Variants in RANBP2 observed in about 807,000 individuals in gnomAD.
The protein encoded by RANBP2 is RAN binding protein 2.
In RANBP2, 57 loss-of-function variants were observed where a neutral mutation model predicts 303.6. That is an observed-to-expected ratio of 0.19 (90% CI 0.15 to 0.23). The LOEUF (loss-of-function observed/expected upper bound fraction) is 0.23. RANBP2 is among the 10% of genes least tolerant of loss of function. RANBP2 has a pLI of 1.00. For missense variants in RANBP2, 3,138 were observed against 3,780.8 expected (o/e 0.83, Z 4.46); for synonymous variants, 1,167 against 1,301.5 (o/e 0.90, Z 2.23).
Position 108,731,403 on chromosome 2 carries a change from G to A in RANBP2, c.334G>A (p.Gly112Arg). The A allele has an allele frequency of 6.2e-7, 1 of 1,611,504 alleles. No individual in the cohort carries two copies. The highest frequency in any genetic ancestry group is 8.5e-7 in the Non-Finnish European group (1 of 1,179,580). ...GCTTTGTAAAAATGATGTTACTGATGGAAGAGCAAAATACTGGCTTGAAAG... is the reference window on the plus strand; with the variant it reads ...GCTTTGTAAAAATGATGTTACTGATAGAAGAGCAAAATACTGGCTTGAAAG... Reference protein sequence around the residue: ...ELLCKNDVTDGRAKYWLERAA... With the variant: ...ELLCKNDVTDRRAKYWLERAA... Residue 112 changes from glycine to arginine, a missense_variant, in exon 4 of 29, where the codon GGA becomes AGA. Around this residue, in one of 20 missense-constraint regions of RANBP2, gnomAD observed 306 missense variants for 381.9 expected, o/e 0.80. Transcript: ENST00000283195.
chr2:108,980,073 C>T, the RANBP2 span, among the ~76,000 whole-genome samples: 37 of 117,462 alleles, frequency 3.1e-4, no homozygotes, highest in African/African-American at 7.3e-4. Flanking sequence ...GATCGCCCAT[C>T]GTCAAGTTCA....
the RANBP2 span, among the ~76,000 whole-genome samples, chr2:109,338,033 C>T: frequency 6.6e-6 from 1 of 152,088 alleles, no homozygotes; most frequent in South Asian, 2.1e-4. Context: ...CGCCCAGGCT[C>T]CTTCTGTTTT....
chr2:109,614,648 C>T, the RANBP2 span: 1 of 1,472,050 alleles, frequency 6.8e-7, no homozygotes, highest in Non-Finnish European at 9.0e-7. Flanking sequence ...CCCGCGCCCG[C>T]GCGCACTTCA....
chr2:109,485,038 G>T, the RANBP2 span, among the ~76,000 whole-genome samples: 25 of 152,214 alleles, frequency 1.6e-4, no homozygotes, highest in Non-Finnish European at 1.9e-4. Flanking sequence ...ACCCATCAGC[G>T]TGTGCAGCGC....
the RANBP2 span, among the ~76,000 whole-genome samples, chr2:109,579,584 TGCTGGTCAG>T: frequency 6.6e-6 from 1 of 151,332 alleles, no homozygotes; most frequent in Non-Finnish European, 1.5e-5. Flanking sequence ...GGTTTCACCA[TGCTGGTCAG>T]GCTGGTCTCA....
At chr2:109,078,094 A>ATATATATATATAGCG in the RANBP2 span, among the ~76,000 whole-genome samples, 1 of 9,684 alleles carries the variant, frequency 1.0e-4, no homozygotes, top group African/African-American at 1.9e-4. Context: ...ATATATATAT[A>ATATATATATATAGCG]TATATATATA....
chr2:109,546,275 G>C, the RANBP2 span: 1 of 1,415,862 alleles, frequency 7.1e-7, no homozygotes, highest in Middle Eastern at 1.9e-4. Flanking sequence ...CTGACACAGC[G>C]CGGCAGCAGA....
chr2:108,783,565 T>C, intron 28 of RANBP2, 31 bp from the exon 29 acceptor site: 1 of 1,540,572 alleles, frequency 6.5e-7, no homozygotes, highest in South Asian at 1.2e-5. Context: ...AAAAAAATTT[T>C]TAACTTTTTT....
the RANBP2 span, among the ~76,000 whole-genome samples, chr2:109,741,869 TAAG>T: frequency 1.0e-5 from 1 of 98,626 alleles, no homozygotes; most frequent in East Asian, 2.8e-4. Context: ...AAGAATAAGA[TAAG>T]AAGAGGAAGT....
chr2:109,022,142 C>T, the RANBP2 span, among the ~76,000 whole-genome samples: 1 of 152,262 alleles, frequency 6.6e-6, no homozygotes, highest in South Asian at 2.1e-4. Context: ...CCGTCCCCTA[C>T]TGCCCTTTAG....
the RANBP2 span, chr2:109,617,236 G>A: frequency 6.0e-6 from 1 of 166,770 alleles, no homozygotes; most frequent in South Asian, 2.1e-4. Flanking sequence ...CTATCCTGTA[G>A]TTACTGAAAA....
the RANBP2 span, among the ~76,000 whole-genome samples, chr2:109,601,140 C>G: frequency 2.0e-5 from 3 of 152,194 alleles, no homozygotes; most frequent in Non-Finnish European, 4.4e-5. Flanking sequence ...TCACTGGTAT[C>G]AATTAACTTT....
chr2:108,908,976 C>T, the RANBP2 span, among the ~76,000 whole-genome samples: 2 of 151,980 alleles, frequency 1.3e-5, no homozygotes, highest in African/African-American at 4.8e-5. Context: ...TGTCCCCACT[C>T]GAGAGAAGGT....
At chr2:109,167,781 C>T in the RANBP2 span, among the ~76,000 whole-genome samples, 1 of 152,104 alleles carries the variant, frequency 6.6e-6, no homozygotes, top group African/African-American at 2.4e-5. Flanking sequence ...CCATGTTAGC[C>T]AGGATGGTCT....
At chr2:109,470,282 C>T in the RANBP2 span, among the ~76,000 whole-genome samples, 6 of 152,320 alleles carry the variant, frequency 3.9e-5, no homozygotes, top group Admixed American at 1.3e-4. Context: ...CCACAGCACC[C>T]AGCAGCTCTA....
At chr2:109,379,539 A>G in the RANBP2 span, among the ~76,000 whole-genome samples, 1 of 152,254 alleles carries the variant, frequency 6.6e-6, no homozygotes, top group African/African-American at 2.4e-5. Context: ...GGGATGTGAA[A>G]GTATGAAGGA....
the RANBP2 span, among the ~76,000 whole-genome samples, chr2:109,484,581 A>C: frequency 1.3e-5 from 2 of 152,120 alleles, no homozygotes; most frequent in African/African-American, 4.8e-5. Context: ...CCTATCAGCT[A>C]ATCAACAGCA....
chr2:109,370,227 GTC>G, the RANBP2 span, among the ~76,000 whole-genome samples: 7 of 96,642 alleles, frequency 7.2e-5, no homozygotes, highest in African/African-American at 2.9e-4. Flanking sequence ...CTCTGTCTCT[GTC>G]TCTCTCTCTC....
rs2889846 is a variant in RANBP2, at chr2:108,766,148, C to T, written c.5609C>T (p.Pro1870Leu). 6.2e-7 allele frequency: 1 copy of T among 1,613,250 alleles called. No individual in the cohort carries two copies. Among genetic ancestry groups the T allele is most frequent in the South Asian group, 1.1e-5 (1 of 91,032 alleles). ...GGGCATGTGGATCAAGAAAATTCAC[C>T]TTCATTTATGTTTCAGGGTTCTTCT... is the stretch of plus-strand genomic sequence containing the variant. Reference protein sequence around the residue: ...KFGHVDQENSPSFMFQGSSNT... With the variant: ...KFGHVDQENSLSFMFQGSSNT... The change falls in exon 20 of 29, where the codon CCT becomes CTT. Residue 1870 changes from proline (P) to leucine (L), a missense_variant. Pro to Leu is a moderately conservative substitution (Grantham distance 98). Transcript: ENST00000283195.
Sources: allele counts gnomAD v4.1 joint callset (sites outside exome capture counted in the v4.1 genomes callset), GRCh38; gene constraint gnomAD v4.1.1; regional missense constraint gnomAD v4.1.1; transcripts MANE v1.5; gene names NCBI Gene and HGNC (gene_info 2026-07-23, HGNC 2026-07-21).